The following ALDH6A1 variants were observed in gnomAD, a reference collection of about 807,000 sequenced individuals.
ALDH6A1 encodes the protein methylmalonate-semialdehyde/malonate-semialdehyde dehydrogenase [acylating], mitochondrial.
In ALDH6A1, 43 loss-of-function variants were observed where a neutral mutation model predicts 62.6. That is an observed-to-expected ratio of 0.69 (90% CI 0.54 to 0.89). The LOEUF (loss-of-function observed/expected upper bound fraction) is 0.89, where lower values mean the gene tolerates loss of function less well. Among genes scored for constraint, ALDH6A1 ranks in the 40% least tolerant of loss-of-function variants. The pLI, the probability that ALDH6A1 is intolerant of heterozygous loss-of-function variation, is 0.00. For synonymous variants in ALDH6A1, 194 were observed against 234.2 expected, an observed-to-expected ratio of 0.83 and a Z score of 1.57; for missense variants, 551 against 661.3, an observed-to-expected ratio of 0.83 and a Z score of 1.83.
intron 9 of ALDH6A1, 193 bp from the exon 10 acceptor site, chr14:74,065,553 T>C (rs1595115927): frequency 3.3e-6 from 2 of 598,716 alleles, no homozygotes; most frequent in Non-Finnish European, 5.9e-6. Context: ...AAGTTACCAA[T>C]CATATAAACA....
intron 11 of ALDH6A1, 142 bp downstream of exon 11, chr14:74,064,679 CT>C: frequency 6.2e-7 from 1 of 1,613,956 alleles, no homozygotes; most frequent in Non-Finnish European, 8.5e-7. Context: ...ACTTTTAAAT[CT>C]TTTTTAGGGA....
chr14:74,084,195 TG>T, intron 1 of ALDH6A1, 151 bp downstream of exon 1: 1 of 1,176,322 alleles, frequency 8.5e-7, no homozygotes, highest in Non-Finnish European at 1.2e-6. Context: ...AAGTGAGGGC[TG>T]GGCATGGGAC....
chr14:74,074,288 ATT>A (rs35478388), intron 2 of ALDH6A1, among the ~76,000 whole-genome samples: 1,446 of 130,148 alleles, frequency 0.011, 12 homozygotes, highest in Middle Eastern at 0.04. Context: ...CTTTCACTAA[ATT>A]TTTTTTTTTT....
At chr14:74,073,501 A>G (rs62005121) in intron 2 of ALDH6A1, among the ~76,000 whole-genome samples, 36,657 of 152,142 alleles carry the variant, frequency 0.24, 4,993 homozygotes, top group South Asian at 0.46. Context: ...CTTCATGAGT[A>G]GAAACACGAT....
chr14:74,079,565 TG>T (rs1396062564), intron 1 of ALDH6A1, among the ~76,000 whole-genome samples: 6 of 151,918 alleles, frequency 3.9e-5, no homozygotes, highest in Non-Finnish European at 8.8e-5. Context: ...CTTGAGTAAC[TG>T]GGACTACAGG....
At chr14:74,061,757 C>A (rs1288703800) in intron 11 of ALDH6A1, among the ~76,000 whole-genome samples, 1 of 151,896 alleles carries the variant, frequency 6.6e-6, no homozygotes, top group African/African-American at 2.4e-5. Flanking sequence ...CATGTGAGCC[C>A]AAAAATTCAG....
rs1328635217 is a variant in ALDH6A1, at chr14:74,084,424, G to T, written c.-30C>A. On this transcript the variant is annotated 5_prime_UTR_variant, in exon 1 of 12. Coordinates refer to ENST00000553458, the MANE Select transcript of ALDH6A1 (RefSeq NM_005589.4). The stretch of plus-strand genomic sequence containing the variant: ...CTCGGCCGCCCTAGCTCCGCACCCC[G>T]CGCCTCTACTGCCCAGAAGCACTAC... 6 of 1,611,474 alleles carry T rather than the reference G, an allele frequency of 3.7e-6. No individual in the cohort carries two copies. The highest frequency in any genetic ancestry group is 5.1e-6 in the Non-Finnish European group (6 of 1,179,490).
chr14:74,071,334 G>A lies in ALDH6A1; in HGVS notation c.591C>T (p.Pro197=), dbSNP rs754575048. The A allele has an allele frequency of 3.7e-6, 6 of 1,614,164 alleles. No homozygotes were observed. The highest frequency in any genetic ancestry group is 2.2e-5 in the South Asian group (2 of 91,076). ...FPAMIPLWMF[P]MAMVCGNTFL... Reference sequence around the variant, plus strand: ...AGGTATTTCCACACACCATGGCCATGGGAAACATCCAAAGGGGGATCATGG... The same window carrying A: ...AGGTATTTCCACACACCATGGCCATAGGAAACATCCAAAGGGGGATCATGG... Residue 197 remains proline, a synonymous_variant, in exon 6 of 12, where the codon CCC becomes CCT. Coordinates refer to ENST00000553458, the MANE Select transcript of ALDH6A1 (RefSeq NM_005589.4).
chr14:74,072,853 A>G (rs2060569371), intron 2 of ALDH6A1, among the ~76,000 whole-genome samples: 1 of 151,906 alleles, frequency 6.6e-6, no homozygotes, highest in Non-Finnish European at 1.5e-5. Flanking sequence ...TCTGGAGCAC[A>G]CAGTGGTATG....
At chr14:74,071,102 A>G (rs1489868313) in intron 6 of ALDH6A1, 93 bp downstream of exon 6, 3 of 1,209,260 alleles carry the variant, frequency 2.5e-6, no homozygotes, top group Non-Finnish European at 3.7e-6. Flanking sequence ...CCTCCTTACA[A>G]GTAGGTTCCT....
At chr14:74,068,207 T>C (rs1268480506) in intron 7 of ALDH6A1, among the ~76,000 whole-genome samples, 1 of 150,894 alleles carries the variant, frequency 6.6e-6, no homozygotes, top group Non-Finnish European at 1.5e-5. Context: ...CAAGAAACCC[T>C]GTCTCTACTT....
At position 74,057,765 on chromosome 14, in the gene ALDH6A1, TACTG is replaced by T; in HGVS notation, c.*2873_*2876del. 9.0e-7 allele frequency: 1 copy of T among 1,114,288 alleles called. No individual in the cohort carries two copies. The highest frequency in any genetic ancestry group is 1.1e-6 in the Non-Finnish European group (1 of 903,724). 69.0% of individuals were successfully genotyped at this position (1,114,288 alleles called of 1,614,324 possible). A position where few individuals can be genotyped will look rare whatever the true frequency, so the allele number is the denominator to read the frequency against. Reference sequence around the variant, plus strand: ...AAGCCACATTAGAACAAAAAGAAAATACTGACTTTTTAGCCGCGATCACATGAAT... The same window carrying T: ...AAGCCACATTAGAACAAAAAGAAAATACTTTTTAGCCGCGATCACATGAAT... On this transcript the variant is annotated 3_prime_UTR_variant, in exon 12 of 12. Transcript: ENST00000553458.
rs1191061610 is a variant in ALDH6A1 at position 74,059,083 on chromosome 14, TC to T, written c.*1558del. On this transcript the variant is annotated 3_prime_UTR_variant, in exon 12 of 12. Transcript: ENST00000553458. The stretch of plus-strand genomic sequence containing the variant: ...TGGGCAACAAGAGTGAAACTCCATC[TC>T]AAAAAAAAAAAAAAAAAAAAAAGCG... 1,779 of 79,750 alleles carry T rather than the reference TC, an allele frequency of 0.022. 36 individuals carry two copies. Among genetic ancestry groups the T allele is most frequent in the African/African-American group, 0.13 (1,693 of 12,724 alleles). 4.9% of individuals were successfully genotyped at this position (79,750 alleles called of 1,614,324 possible).
chr14:74,070,444 G>C (rs545124075), intron 6 of ALDH6A1, among the ~76,000 whole-genome samples: 1 of 152,146 alleles, frequency 6.6e-6, no homozygotes, highest in East Asian at 1.9e-4. Flanking sequence ...GCTTGAACCT[G>C]GGAGGCAGCG....
chr14:74,057,405 T>A lies in ALDH6A1; in HGVS notation c.*3237A>T. ...TAATAAATAGCATTAGTAGATTACA[T>A]AAATTTTTAAAGCAATATCCGTACA... On this transcript the variant is annotated 3_prime_UTR_variant, in exon 12 of 12. Coordinates refer to ENST00000553458, the MANE Select transcript of ALDH6A1 (RefSeq NM_005589.4). 6.5e-7 allele frequency: 1 copy of A among 1,529,600 alleles called. No homozygotes were observed. The highest frequency in any genetic ancestry group is 8.8e-7 in the Non-Finnish European group (1 of 1,141,230). The allele number at this position is 1,529,600 out of a possible 1,614,324, so 94.8% of individuals were successfully genotyped here.
At chr14:74,062,380 T>C (rs2060365606) in intron 11 of ALDH6A1, among the ~76,000 whole-genome samples, 1 of 152,064 alleles carries the variant, frequency 6.6e-6, no homozygotes. Context: ...GGCAGGCAGA[T>C]CACCTGAGGT....
At chr14:74,082,138 G>A (rs998178485) in intron 1 of ALDH6A1, among the ~76,000 whole-genome samples, 2 of 152,160 alleles carry the variant, frequency 1.3e-5, no homozygotes, top group East Asian at 1.9e-4. Flanking sequence ...GTGGGAGGTC[G>A]AGGCTGCTGT....
rs1566823931 is a variant in ALDH6A1 at position 74,060,315 on chromosome 14, C to T, written c.*327G>A. 2 of 311,796 alleles carry T rather than the reference C, an allele frequency of 6.4e-6. No individual in the cohort carries two copies. Among genetic ancestry groups the T allele is most frequent in the East Asian group, 1.4e-4 (2 of 13,928 alleles). 19.3% of individuals were successfully genotyped at this position (311,796 alleles called of 1,614,324 possible). A position where few individuals can be genotyped will look rare whatever the true frequency, so the allele number is the denominator to read the frequency against. ...GCGCCTGGCTGGAACATTTTCTTTACATACACTGGCTTTTCTCCCCTTCAA... is the reference window on the plus strand; with the variant it reads ...GCGCCTGGCTGGAACATTTTCTTTATATACACTGGCTTTTCTCCCCTTCAA... On this transcript the variant is annotated 3_prime_UTR_variant, in exon 12 of 12. Transcript: ENST00000553458.
At position 74,060,524 on chromosome 14, in the gene ALDH6A1, T is replaced by G; in HGVS notation, c.*118A>C. 9.8e-6 allele frequency: 8 copies of G among 814,718 alleles called. No homozygotes were observed. Among genetic ancestry groups the G allele is most frequent in the East Asian group, 2.5e-5 (1 of 39,252 alleles). The allele number at this position is 814,718 out of a possible 1,614,324, so 50.5% of individuals were successfully genotyped here. On this transcript the variant is annotated 3_prime_UTR_variant, in exon 12 of 12. Transcript: ENST00000553458. ...CGGGGGTTAATAGTCCTGAGGAAGA[T>G]TTTAGTTACAATGTATTCCAATCCC...
Sources: gnomAD v4.1 joint callset for allele counts (sites outside exome capture counted in the v4.1 genomes callset) on GRCh38, gnomAD v4.1.1 for gene constraint, MANE v1.5 for transcripts, NCBI Gene and HGNC (gene_info 2026-07-23, HGNC 2026-07-21) for gene names.